The following GPR39 variants were observed in gnomAD, a reference collection of about 807,000 sequenced individuals.
The protein encoded by GPR39 is zinc sensing receptor.
Under a neutral mutation model 18.4 loss-of-function variants are expected in GPR39, and 23 were observed. That is an observed-to-expected ratio of 1.25 (90% CI 0.90 to 1.77). The LOEUF (loss-of-function observed/expected upper bound fraction) is 1.77. Among genes scored for constraint, GPR39 ranks in the 40% most tolerant of loss-of-function variants. The pLI is 0.00. For synonymous variants in GPR39, 280 were observed against 257.9 expected (o/e 1.09, Z -0.82); for missense variants, 647 against 602.4 (o/e 1.07, Z -0.78).
intron 1 of GPR39, among the ~76,000 whole-genome samples, chr2:132,584,943 A>G (rs1421877660): frequency 6.6e-6 from 1 of 152,212 alleles, no homozygotes; most frequent in East Asian, 1.9e-4. Flanking sequence ...GAACCTCCTC[A>G]AAAACCTGAG....
chr2:132,498,474 T>C (rs972349562), intron 1 of GPR39, among the ~76,000 whole-genome samples: 2 of 152,220 alleles, frequency 1.3e-5, no homozygotes, highest in South Asian at 2.1e-4. Context: ...TATCCACTCA[T>C]TGATGGGCAT....
At position 132,569,938 on chromosome 2, in the gene GPR39, C is replaced by T. The variant is rs1680413236; in HGVS notation, c.857-75163C>T. Among the ~76,000 whole-genome samples the T allele has an allele frequency of 2.0e-5, 3 of 152,314 alleles. 1 individual carries two copies. In the South Asian group the frequency reaches 6.2e-4, roughly 32 times the overall value. On this transcript the variant is annotated intron_variant, in intron 1 of 1. Coordinates refer to ENST00000329321, the MANE Select transcript of GPR39 (RefSeq NM_001508.3). ...GTCATGATTGTGAGGTCTCCCCAGC[C>T]ACGTGGAACTGTAAATCCAAGAGAC...
chr2:132,566,309 T>G (rs1204703276), intron 1 of GPR39, among the ~76,000 whole-genome samples: 3 of 148,978 alleles, frequency 2.0e-5, no homozygotes, highest in African/African-American at 7.5e-5. Context: ...TAGCCCTTTG[T>G]CAGATGAGTA....
At chr2:132,492,464 T>TACAC (rs1558814323) in intron 1 of GPR39, among the ~76,000 whole-genome samples, 1 of 140,146 alleles carries the variant, frequency 7.1e-6, no homozygotes, top group African/African-American at 2.7e-5. Flanking sequence ...ACACCATATA[T>TACAC]ACCATATATA....
chr2:132,558,158 C>T (rs548077196), intron 1 of GPR39, among the ~76,000 whole-genome samples: 1 of 152,254 alleles, frequency 6.6e-6, no homozygotes, highest in African/African-American at 2.4e-5. Flanking sequence ...GAATGTGACC[C>T]CTACAGAAGC....
At chr2:132,564,797 TTTTTTCTTTTTTC>T in intron 1 of GPR39, among the ~76,000 whole-genome samples, 1 of 136,552 alleles carries the variant, frequency 7.3e-6, no homozygotes, top group East Asian at 2.4e-4. Flanking sequence ...TAATAACTAT[TTTTTTCTTTTTTC>T]TTTTTTTTTT....
chr2:132,458,075 C>G (rs1680764565), intron 1 of GPR39, among the ~76,000 whole-genome samples: 1 of 152,192 alleles, frequency 6.6e-6, no homozygotes, highest in Non-Finnish European at 1.5e-5. Flanking sequence ...TCTCCTGACC[C>G]CTTGCACATC....
intron 1 of GPR39, among the ~76,000 whole-genome samples, chr2:132,519,421 T>C (rs141296492): frequency 6.6e-6 from 1 of 152,348 alleles, no homozygotes; most frequent in East Asian, 1.9e-4. Flanking sequence ...TAGAAGCCAT[T>C]GAGTGTTTCA....
intron 1 of GPR39, among the ~76,000 whole-genome samples, chr2:132,455,841 A>T: frequency 6.6e-6 from 1 of 152,304 alleles, no homozygotes; most frequent in East Asian, 1.9e-4. Flanking sequence ...CTGGGGTCTG[A>T]GACAGTTTGT....
intron 1 of GPR39, among the ~76,000 whole-genome samples, chr2:132,551,648 C>A (rs901006581): frequency 1.3e-5 from 2 of 152,150 alleles, no homozygotes; most frequent in Non-Finnish European, 2.9e-5. Flanking sequence ...GATAACAAAA[C>A]AATTCCATTG....
At chr2:132,625,983 C>T (rs1041360351) in intron 1 of GPR39, among the ~76,000 whole-genome samples, 4 of 151,828 alleles carry the variant, frequency 2.6e-5, no homozygotes, top group African/African-American at 9.7e-5. Context: ...GCCTATAGTC[C>T]CAGCTACTCG....
chr2:132,447,301 C>T (rs1190239941), intron 1 of GPR39, among the ~76,000 whole-genome samples: 1 of 152,078 alleles, frequency 6.6e-6, no homozygotes, highest in Non-Finnish European at 1.5e-5. Context: ...TTGTACAATC[C>T]CAAGGAGTTA....
At chr2:132,593,306 A>G (rs948437185) in intron 1 of GPR39, among the ~76,000 whole-genome samples, 1 of 152,188 alleles carries the variant, frequency 6.6e-6, no homozygotes, top group Non-Finnish European at 1.5e-5. Context: ...CCTAGAGGTC[A>G]GGCAGATATC....
At chr2:132,495,066 A>G (rs1199019488) in intron 1 of GPR39, among the ~76,000 whole-genome samples, 2 of 152,152 alleles carry the variant, frequency 1.3e-5, no homozygotes, top group African/African-American at 4.8e-5. Context: ...GACACATCAA[A>G]GACACTAGGA....
At chr2:132,496,259 A>G (rs1248857057) in intron 1 of GPR39, among the ~76,000 whole-genome samples, 4 of 152,202 alleles carry the variant, frequency 2.6e-5, no homozygotes. Context: ...ATTTCAGAAA[A>G]CAAAGGTAAG....
intron 1 of GPR39, among the ~76,000 whole-genome samples, chr2:132,427,890 A>T (rs905906820): frequency 4.6e-5 from 6 of 131,254 alleles, no homozygotes; most frequent in Non-Finnish European, 8.2e-5. Flanking sequence ...TATATATATA[A>T]TATATATATA....
intron 1 of GPR39, among the ~76,000 whole-genome samples, chr2:132,445,677 A>G (rs947126439): frequency 5.4e-5 from 6 of 111,148 alleles, no homozygotes; most frequent in Non-Finnish European, 1.3e-4. Context: ...ATTGTTTGCC[A>G]TACCTGTGAT....
intron 1 of GPR39, among the ~76,000 whole-genome samples, chr2:132,541,170 G>A (rs1445489018): frequency 5.9e-5 from 9 of 152,078 alleles, no homozygotes; most frequent in Admixed American, 5.9e-4. Context: ...TGCAACCTCC[G>A]CCTCTCAGCT....
chr2:132,464,877 A>T (rs895142391), intron 1 of GPR39, among the ~76,000 whole-genome samples: 1 of 152,196 alleles, frequency 6.6e-6, no homozygotes, highest in Admixed American at 6.5e-5. Context: ...TTTGTCTTCT[A>T]TGAAGATGGG....
Sources: gnomAD v4.1 joint callset for allele counts (sites outside exome capture counted in the v4.1 genomes callset) on GRCh38, gnomAD v4.1.1 for gene constraint, MANE v1.5 for transcripts, NCBI Gene and HGNC (gene_info 2026-07-23, HGNC 2026-07-21) for gene names.